Variants in TG observed in about 807,000 individuals in gnomAD.
TG encodes the protein thyroid hormones.
Under a neutral mutation model 324.7 loss-of-function variants are expected in TG, and 270 were observed. The observed-to-expected ratio is 0.83, with a 90% CI of 0.75 to 0.92. The LOEUF is 0.92. Ranked by LOEUF, TG falls within the 40% of genes least tolerant of loss-of-function variation. TG has a pLI of 0.00. For missense variants in TG, 3,591 were observed against 3,456.4 expected, an observed-to-expected ratio of 1.04 and a Z score of -0.98; for synonymous variants, 1,401 against 1,327.0, an observed-to-expected ratio of 1.06 and a Z score of -1.21.
chr8:133,041,742 C>T (rs1004165667), intron 41 of TG, among the ~76,000 whole-genome samples: 2 of 150,862 alleles, frequency 1.3e-5, no homozygotes, highest in South Asian at 2.1e-4. Context: ...GAGCTAGCCT[C>T]GTACCCTGGA....
intron 41 of TG, among the ~76,000 whole-genome samples, chr8:133,031,867 T>G (rs1310694157): frequency 6.6e-6 from 1 of 152,136 alleles, no homozygotes; most frequent in African/African-American, 2.4e-5. Flanking sequence ...GCCCTACTTT[T>G]CCTTTAGAGA....
intron 35 of TG, among the ~76,000 whole-genome samples, chr8:133,011,565 T>G (rs1004772499): frequency 5.9e-5 from 9 of 152,200 alleles, no homozygotes; most frequent in African/African-American, 2.2e-4. Context: ...TTTTAACTGT[T>G]GCTTTGTAAC....
intron 43 of TG, among the ~76,000 whole-genome samples, chr8:133,111,231 C>G (rs1850224889): frequency 6.6e-6 from 1 of 152,118 alleles, no homozygotes; most frequent in South Asian, 2.1e-4. Flanking sequence ...GAGCCTGTCT[C>G]TTACCAGCAG....
Position 132,969,528 on chromosome 8 carries a change from T to C in TG, c.5934T>C (p.Ile1978=), listed in dbSNP as rs1829162509. The change falls in exon 32 of 48, where the codon ATT becomes ATC. Residue 1978 remains isoleucine (I), a synonymous_variant. Transcript: ENST00000220616. ...TCCAAAAACTGATGGGGATATCCATTAGAAATAAAGTGCCCATGTCTGAAA... is the reference window on the plus strand; with the variant it reads ...TCCAAAAACTGATGGGGATATCCATCAGAAATAAAGTGCCCATGTCTGAAA... The part of the protein sequence containing the change: ...LPFQKLMGIS[I]RNKVPMSEKS... 2 of 1,613,886 alleles carry C rather than the reference T, an allele frequency of 1.2e-6. No homozygotes were observed. The highest frequency in any genetic ancestry group is 1.3e-5 in the African/African-American group (1 of 74,922).
chr8:132,972,503 A>G (rs191258993), intron 33 of TG, 95 bp from the exon 34 acceptor site: 20 of 1,427,028 alleles, frequency 1.4e-5, no homozygotes, highest in Non-Finnish European at 1.7e-5. Context: ...TGTCTGCTGA[A>G]CAATGTACTT....
chr8:133,110,448 A>G (rs1474816210), intron 43 of TG, among the ~76,000 whole-genome samples: 1 of 152,216 alleles, frequency 6.6e-6, no homozygotes, highest in Non-Finnish European at 1.5e-5. Flanking sequence ...TATTCATATT[A>G]TTTATATGAA....
chr8:133,102,353 A>G (rs1388008590), intron 43 of TG: 2 of 522,692 alleles, frequency 3.8e-6, no homozygotes, highest in African/African-American at 1.9e-5. Flanking sequence ...ACGGAGGGAC[A>G]GGAGTGGAGC....
intron 35 of TG, 107 bp downstream of exon 35, chr8:132,983,519 T>G (rs1587678810): frequency 9.1e-7 from 1 of 1,100,664 alleles, no homozygotes; most frequent in African/African-American, 1.5e-5. Context: ...TGCATATCAC[T>G]CGCATTAATT....
intron 37 of TG, 134 bp downstream of exon 37, chr8:133,013,898 G>A: frequency 9.4e-7 from 1 of 1,066,184 alleles, no homozygotes; most frequent in South Asian, 1.4e-5. Context: ...ACTCACTTGA[G>A]GTAGACTGAA....
At chr8:133,016,023 C>T (rs1484628431) in intron 37 of TG, among the ~76,000 whole-genome samples, 2 of 150,976 alleles carry the variant, frequency 1.3e-5, no homozygotes, top group African/African-American at 4.9e-5. Flanking sequence ...TGTTGGACTT[C>T]TGCCATTTTT....
At chr8:133,070,355 T>C (rs933233465) in intron 41 of TG, among the ~76,000 whole-genome samples, 1 of 99,282 alleles carries the variant, frequency 1.0e-5, no homozygotes, top group African/African-American at 3.3e-5. Context: ...TTTGGAACAG[T>C]TGCCCACAGG....
At chr8:132,928,556 A>G (rs139984841) in intron 22 of TG, among the ~76,000 whole-genome samples, 139 of 152,298 alleles carry the variant, frequency 9.1e-4, no homozygotes, top group Non-Finnish European at 1.4e-3. Context: ...AAGTGTGTTG[A>G]TGGTAGCTAG....
chr8:132,964,830 G>C (rs1828308207), intron 29 of TG: 1 of 696,864 alleles, frequency 1.4e-6, no homozygotes, highest in Non-Finnish European at 2.6e-6. Context: ...AATGTGGACA[G>C]GTGTCGGTTG....
chr8:132,995,097 T>G (rs551293462), intron 35 of TG: 1 of 968,374 alleles, frequency 1.0e-6, no homozygotes, highest in Non-Finnish European at 1.2e-6. Context: ...AAGCAGAAGC[T>G]GGGAAGCACA....
chr8:132,901,568 C>A lies in TG; in HGVS notation c.3634+15C>A. On this transcript the variant is annotated intron_variant, in intron 16 of 47. Coordinates refer to ENST00000220616, the MANE Select transcript of TG (RefSeq NM_003235.5). ...CGCCTGTGAGAGTAAGTCATGACCC[C>A]CTGGGGGGACGACGAGGCCTGCATA... The A allele has an allele frequency of 6.2e-7, 1 of 1,608,808 alleles. No individual in the cohort carries two copies. The highest frequency in any genetic ancestry group is 8.5e-7 in the Non-Finnish European group (1 of 1,177,350).
At chr8:132,872,468 A>C (rs1839579665) in intron 4 of TG, among the ~76,000 whole-genome samples, 1 of 121,392 alleles carries the variant, frequency 8.2e-6, no homozygotes, top group Non-Finnish European at 1.7e-5. Flanking sequence ...GCAGAGCAAG[A>C]CTCCGTCTCA....
Position 133,012,033 on chromosome 8 carries a change from C to T in TG, c.6395C>T (p.Ser2132Leu), listed in dbSNP as rs61741457. The T allele has an allele frequency of 0.053, 86,084 of 1,614,108 alleles. 2,617 individuals carry two copies. Among genetic ancestry groups the T allele is most frequent in the Middle Eastern group, 0.083 (506 of 6,062 alleles). The change falls in exon 36 of 48, where the codon TCG becomes TTG. Residue 2132 changes from serine (S) to leucine (L), a missense_variant and splice_region_variant. Ser to Leu is a moderately radical substitution (Grantham distance 145). Coordinates refer to ENST00000220616, the MANE Select transcript of TG (RefSeq NM_003235.5). ...TCTGCTGTCCGAGACCTCTGTTTGT[C>T]GGGTAAGGGGAGTTTCCAACCCACA... The part of the protein sequence containing the change: ...NFSAVRDLCL[S>L]ECSQHEACLI...
intron 41 of TG, among the ~76,000 whole-genome samples, chr8:133,092,686 C>CA (rs993408526): frequency 3.9e-5 from 6 of 152,170 alleles, no homozygotes; most frequent in African/African-American, 1.2e-4. Context: ...AGCTGGGGTT[C>CA]AAACCGAGCC....
At chr8:132,955,196 C>G (rs1432815113) in intron 27 of TG, among the ~76,000 whole-genome samples, 1 of 152,152 alleles carries the variant, frequency 6.6e-6, no homozygotes, top group Admixed American at 6.5e-5. Flanking sequence ...GTCTTTCCCC[C>G]CACAAGTCAC....
Sources: gnomAD v4.1 joint callset for allele counts (sites outside exome capture counted in the v4.1 genomes callset) on GRCh38, gnomAD v4.1.1 for gene constraint, MANE v1.5 for transcripts, NCBI Gene and HGNC (gene_info 2026-07-23, HGNC 2026-07-21) for gene names.